The following IPCEF1 variants were observed in gnomAD, a reference collection of about 807,000 sequenced individuals.
IPCEF1 encodes the protein interaction protein for cytohesin exchange factors 1.
A neutral mutation model predicts 50.9 loss-of-function variants in IPCEF1; 31 were observed. That is an observed-to-expected ratio of 0.61 (90% CI 0.46 to 0.82). The LOEUF (loss-of-function observed/expected upper bound fraction) is 0.82. Among genes scored for constraint, IPCEF1 ranks in the 40% least tolerant of loss-of-function variants. The pLI, the probability that IPCEF1 is intolerant of heterozygous loss-of-function variation, is 0.00. For missense variants in IPCEF1, 458 were observed against 514.0 expected (o/e 0.89, Z 1.05); for synonymous variants, 181 against 192.0 (o/e 0.94, Z 0.47).
intron 1 of IPCEF1, among the ~76,000 whole-genome samples, chr6:154,344,049 C>G (rs1218802095): frequency 6.6e-6 from 1 of 152,184 alleles, no homozygotes; most frequent in African/African-American, 2.4e-5. Context: ...CAAACCAATC[C>G]CCTGAGCCCT....
At chr6:154,179,169 C>A (rs1800620221) in intron 10 of IPCEF1, among the ~76,000 whole-genome samples, 1 of 152,058 alleles carries the variant, frequency 6.6e-6, no homozygotes, top group African/African-American at 2.4e-5. Flanking sequence ...CAAAAACAGA[C>A]CCAAAAGGTA....
In IPCEF1 at chr6:154,168,354, G is replaced by T. The variant is rs558416523; in HGVS notation, c.911-241C>A. Among the ~76,000 whole-genome samples the T allele has an allele frequency of 6.6e-6, 1 of 152,210 alleles. No homozygotes were observed. The highest frequency in any genetic ancestry group is 2.1e-4 in the South Asian group (1 of 4,822). ...AGGAGTTATTCCAAGCCTCTCTCCT[G>T]GCTTCAAGTGGTTTTTTGGTTTGTG... On this transcript the variant is annotated intron_variant, in intron 10 of 11. Transcript: ENST00000367220. The surrounding 1 kb of genome is among the most constrained non-coding windows in gnomAD (Gnocchi z 4.1).
chr6:154,297,332 G>A (rs769539722), intron 1 of IPCEF1, among the ~76,000 whole-genome samples: 3 of 152,054 alleles, frequency 2.0e-5, no homozygotes, highest in Non-Finnish European at 2.9e-5. Flanking sequence ...GAGCCACCGC[G>A]CCCAGCCCAA....
intron 10 of IPCEF1, among the ~76,000 whole-genome samples, chr6:154,197,670 A>G (rs1776722646): frequency 6.6e-6 from 1 of 152,206 alleles, no homozygotes; most frequent in South Asian, 2.1e-4. Flanking sequence ...CAATCCTGGA[A>G]TGGCATTTAG....
chr6:154,258,719 C>T (rs530245722), intron 3 of IPCEF1, among the ~76,000 whole-genome samples: 8 of 152,220 alleles, frequency 5.3e-5, no homozygotes, highest in Non-Finnish European at 1.0e-4. Flanking sequence ...GACCAACCAT[C>T]TCATTCCTGG....
chr6:154,165,076 C>T (rs1455984766), intron 11 of IPCEF1, among the ~76,000 whole-genome samples: 1 of 152,156 alleles, frequency 6.6e-6, no homozygotes, highest in African/African-American at 2.4e-5. Context: ...GTTGTCTTTG[C>T]TTGTCTACAC....
intron 9 of IPCEF1, among the ~76,000 whole-genome samples, chr6:154,202,307 C>T (rs1489445577): frequency 1.3e-5 from 2 of 152,126 alleles, no homozygotes; most frequent in African/African-American, 4.8e-5. Context: ...CCTTACATCA[C>T]TTAGATCTTT....
In IPCEF1 at chr6:154,199,778, T is replaced by C. The variant is rs764591429; in HGVS notation, c.800A>G (p.Glu267Gly). ...AGATAAAGAGTTCAAAAATCCACTTTCTGATGTGACAAAACTGTTTTCCAG... is the reference window on the plus strand; with the variant it reads ...AGATAAAGAGTTCAAAAATCCACTTCCTGATGTGACAAAACTGTTTTCCAG... ...KALENSFVTS[E>G]SGFLNSLSSD... Residue 267 changes from glutamate to glycine, a missense_variant, in exon 10 of 12, where the codon GAA becomes GGA. Physicochemically the swap from Glu to Gly is moderately conservative, Grantham distance 98. Coordinates refer to ENST00000367220, the MANE Select transcript of IPCEF1 (RefSeq NM_001130700.2). The C allele has an allele frequency of 6.2e-7, 1 of 1,614,220 alleles. No individual in the cohort carries two copies. Among genetic ancestry groups the C allele is most frequent in the South Asian group, 1.1e-5 (1 of 91,086 alleles).
intron 9 of IPCEF1, among the ~76,000 whole-genome samples, chr6:154,209,300 T>C (rs1159512996): frequency 6.6e-6 from 1 of 152,216 alleles, no homozygotes; most frequent in Admixed American, 6.5e-5. Context: ...CTTGTATATC[T>C]AAGTCATCGC....
At chr6:154,254,816 G>T (rs1410323128) in intron 3 of IPCEF1, among the ~76,000 whole-genome samples, 2 of 151,922 alleles carry the variant, frequency 1.3e-5, no homozygotes, top group East Asian at 3.9e-4. Context: ...GATTATCTGT[G>T]CCTTTTCATA....
At chr6:154,290,665 T>A (rs1051268881) in intron 1 of IPCEF1, among the ~76,000 whole-genome samples, 5 of 152,138 alleles carry the variant, frequency 3.3e-5, no homozygotes, top group African/African-American at 1.2e-4. Flanking sequence ...AAACAAAAGT[T>A]TTCTCTCATA....
chr6:154,271,577 G>A (rs1781903435), intron 2 of IPCEF1, among the ~76,000 whole-genome samples: 1 of 152,156 alleles, frequency 6.6e-6, no homozygotes, highest in African/African-American at 2.4e-5. Flanking sequence ...CAATATGCCA[G>A]AAACCACATC....
rs115632962 is a variant in IPCEF1, at chr6:154,274,266, G to C, written c.-17-8302C>G. Among the ~76,000 whole-genome samples, 785 of 152,086 alleles carry C rather than the reference G, an allele frequency of 5.2e-3. 4 individuals are homozygous for C. Among genetic ancestry groups the C allele is most frequent in the African/African-American group, 0.018 (744 of 41,488 alleles). On this transcript the variant is annotated intron_variant, in intron 2 of 11. Transcript: ENST00000367220. ...TAAGAACCACAGCTTTTTTCAAACAGAGAAACTATGATGCTTAAAATTACT... is the reference window on the plus strand; with the variant it reads ...TAAGAACCACAGCTTTTTTCAAACACAGAAACTATGATGCTTAAAATTACT...
intron 7 of IPCEF1, among the ~76,000 whole-genome samples, chr6:154,220,917 A>G (rs1354361033): frequency 2.0e-5 from 3 of 152,278 alleles, no homozygotes; most frequent in Admixed American, 6.5e-5. Flanking sequence ...TTTTGCATGT[A>G]GAATTCCGAA....
At position 154,253,334 on chromosome 6, in the gene IPCEF1, G is replaced by A. The variant is rs1048269415; in HGVS notation, c.37-5846C>T. On this transcript the variant is annotated intron_variant, in intron 3 of 11. Transcript: ENST00000367220. ...ATTACAGGCACGAGCCACCACATCC[G>A]ACCTCCTTTGCACTTTTACTATCTA... Among the ~76,000 whole-genome samples the A allele has an allele frequency of 1.4e-4, 22 of 152,162 alleles. No homozygotes were observed. In the East Asian group the frequency reaches 1.9e-3, roughly 13 times the overall value.
intron 1 of IPCEF1, among the ~76,000 whole-genome samples, chr6:154,347,397 C>T (rs1784051268): frequency 6.6e-6 from 1 of 152,174 alleles, no homozygotes; most frequent in Non-Finnish European, 1.5e-5. Context: ...TGTGTTTTCT[C>T]ATCAGAGAAA....
At chr6:154,310,988 T>C (rs187112236) in intron 1 of IPCEF1, among the ~76,000 whole-genome samples, 12 of 152,160 alleles carry the variant, frequency 7.9e-5, no homozygotes, top group Non-Finnish European at 1.8e-4. Flanking sequence ...TATTGCAGAA[T>C]TGTTAAAAGA....
Position 154,318,791 on chromosome 6 carries a change from T to C in IPCEF1, c.-61-29035A>G, listed in dbSNP as rs1479209327. The stretch of plus-strand genomic sequence containing the variant: ...AACATGCACCCAATGTCAATAATTA[T>C]TTTTTCCCTCATTCCATCCATACAC... On this transcript the variant is annotated intron_variant, in intron 1 of 11. Coordinates refer to ENST00000367220, the MANE Select transcript of IPCEF1 (RefSeq NM_001130700.2). 2.6e-5 allele frequency among the ~76,000 whole-genome samples: 4 copies of C among 152,006 alleles called. No individual in the cohort carries two copies. In the South Asian group the frequency reaches 6.2e-4, roughly 24 times the overall value.
At chr6:154,241,850 T>G (rs1780621623) in intron 5 of IPCEF1, among the ~76,000 whole-genome samples, 1 of 152,164 alleles carries the variant, frequency 6.6e-6, no homozygotes, top group Admixed American at 6.5e-5. Flanking sequence ...AAACCCACAT[T>G]CCTACACTAT....
Sources: gnomAD v4.1 joint callset for allele counts (sites outside exome capture counted in the v4.1 genomes callset) on GRCh38, gnomAD v4.1.1 for gene constraint, Gnocchi (gnomAD v3.1) non-coding constraint, MANE v1.5 for transcripts, NCBI Gene and HGNC (gene_info 2026-07-23, HGNC 2026-07-21) for gene names.